Variants in MOB3B observed in about 807,000 individuals in gnomAD.
MOB3B encodes MOB kinase activator 3B.
A neutral mutation model predicts 18.7 loss-of-function variants in MOB3B; 7 were observed. That is an observed-to-expected ratio of 0.37 (90% CI 0.21 to 0.70). MOB3B has a LOEUF of 0.70. Among genes scored for constraint, MOB3B ranks in the 30% least tolerant of loss-of-function variants. The pLI, the probability that MOB3B is intolerant of heterozygous loss-of-function variation, is 0.52. For synonymous variants in MOB3B, 111 were observed against 99.9 expected (o/e 1.11, Z -0.66); for missense variants, 253 against 281.3 (o/e 0.90, Z 0.72).
At chr9:27,499,905 T>C (rs1819962879) in intron 1 of MOB3B, among the ~76,000 whole-genome samples, 1 of 152,162 alleles carries the variant, frequency 6.6e-6, no homozygotes, top group South Asian at 2.1e-4. Context: ...CATTGTGTTA[T>C]GTTGAAATGA....
intron 2 of MOB3B, among the ~76,000 whole-genome samples, chr9:27,366,206 A>T (rs1396623452): frequency 6.6e-6 from 1 of 152,116 alleles, no homozygotes; most frequent in Non-Finnish European, 1.5e-5. Flanking sequence ...TGAGTTTATG[A>T]ATGTGTCTAA....
chr9:27,505,335 C>T (rs994219176), intron 1 of MOB3B, among the ~76,000 whole-genome samples: 1 of 152,104 alleles, frequency 6.6e-6, no homozygotes, highest in Non-Finnish European at 1.5e-5. Context: ...TGTTCCTGCC[C>T]CAAATCAGCT....
chr9:27,426,690 G>A (rs1822339405), intron 2 of MOB3B, among the ~76,000 whole-genome samples: 1 of 152,106 alleles, frequency 6.6e-6, no homozygotes, highest in African/African-American at 2.4e-5. Flanking sequence ...GTCCCCCCCT[G>A]CCCGACTCAG....
At chr9:27,521,807 A>C (rs577745470) in intron 1 of MOB3B, among the ~76,000 whole-genome samples, 1 of 152,348 alleles carries the variant, frequency 6.6e-6, no homozygotes, top group Middle Eastern at 3.4e-3. Flanking sequence ...ACTGAGCCTT[A>C]GGGAGAATCC....
intron 2 of MOB3B, among the ~76,000 whole-genome samples, chr9:27,399,299 G>A (rs1349384275): frequency 6.6e-6 from 1 of 152,168 alleles, no homozygotes. Context: ...ATCTGAAACT[G>A]CAAATAGGCT....
intron 2 of MOB3B, among the ~76,000 whole-genome samples, chr9:27,364,148 C>A (rs994370780): frequency 6.6e-6 from 1 of 152,212 alleles, no homozygotes; most frequent in Non-Finnish European, 1.5e-5. Context: ...AGAAAGGCAA[C>A]TGGATCACCT....
At chr9:27,520,072 T>C (rs1820300368) in intron 1 of MOB3B, among the ~76,000 whole-genome samples, 1 of 152,146 alleles carries the variant, frequency 6.6e-6, no homozygotes, top group African/African-American at 2.4e-5. Flanking sequence ...AATTGAGTAA[T>C]ATGGATGATC....
chr9:27,446,408 T>G (rs1408434154), intron 2 of MOB3B, among the ~76,000 whole-genome samples: 1 of 152,210 alleles, frequency 6.6e-6, no homozygotes, highest in African/African-American at 2.4e-5. Flanking sequence ...GCCTGTGAAA[T>G]GCCTTCTAAA....
rs894362911 is a variant in MOB3B, at chr9:27,516,549, A to G, written c.-199+13006T>C. ...GAGCTTAACTGAGAATAGCTGGATTACAGTGTTATGTTCAAAATTCTGTGG... is the reference window on the plus strand; with the variant it reads ...GAGCTTAACTGAGAATAGCTGGATTGCAGTGTTATGTTCAAAATTCTGTGG... On this transcript the variant is annotated intron_variant, in intron 1 of 3. Coordinates refer to ENST00000262244, the MANE Select transcript of MOB3B (RefSeq NM_024761.5). 5.9e-5 allele frequency among the ~76,000 whole-genome samples: 9 copies of G among 152,246 alleles called. 1 individual carries two copies. Among genetic ancestry groups the G allele is most frequent in the African/African-American group, 2.2e-4 (9 of 41,462 alleles).
intron 1 of MOB3B, among the ~76,000 whole-genome samples, chr9:27,464,357 G>C (rs1819344348): frequency 6.6e-6 from 1 of 152,176 alleles, no homozygotes; most frequent in South Asian, 2.1e-4. Context: ...ATTTGATAAT[G>C]AGTTAACAAT....
intron 3 of MOB3B, among the ~76,000 whole-genome samples, chr9:27,352,500 T>C (rs1389174876): frequency 2.0e-5 from 3 of 152,178 alleles, no homozygotes; most frequent in Non-Finnish European, 2.9e-5. Flanking sequence ...TTGTGCGTCA[T>C]GCACATGGTA....
At position 27,378,302 on chromosome 9, in the gene MOB3B, C is replaced by A. The variant is rs572186409; in HGVS notation, c.419-19066G>T. 4.3e-5 allele frequency: 20 copies of A among 467,512 alleles called. No individual in the cohort carries two copies. The Admixed American group carries it at 4.5e-4, about 10-fold the overall frequency. The allele number at this position is 467,512 out of a possible 1,614,324, so 29.0% of individuals were successfully genotyped here. A position where few individuals can be genotyped will look rare whatever the true frequency, so the allele number is the denominator to read the frequency against. ...ATCTCAGCTGGGGAGGGAATGAGGT[C>A]ATAAGGATGGATGCTGCATCTGGAC... On this transcript the variant is annotated intron_variant, in intron 2 of 3. Transcript: ENST00000262244.
chr9:27,354,512 G>A (rs1305335189), intron 3 of MOB3B, among the ~76,000 whole-genome samples: 1 of 152,168 alleles, frequency 6.6e-6, no homozygotes, highest in Non-Finnish European at 1.5e-5. Flanking sequence ...TGCTTTTAAT[G>A]TCTATTGCTA....
intron 2 of MOB3B, among the ~76,000 whole-genome samples, chr9:27,380,781 C>A (rs1262823261): frequency 1.3e-5 from 2 of 151,796 alleles, no homozygotes; most frequent in Non-Finnish European, 2.9e-5. Flanking sequence ...TGCCCACCAC[C>A]CCCTCATAGT....
chr9:27,427,784 T>C (rs1181390345), intron 2 of MOB3B, among the ~76,000 whole-genome samples: 2 of 152,242 alleles, frequency 1.3e-5, no homozygotes, highest in African/African-American at 4.8e-5. Context: ...TTTCCCATCA[T>C]GCCCTTCAGG....
rs1176095368 is a variant in MOB3B at position 27,522,272 on chromosome 9, G to GA, written c.-199+7282dup. Reference sequence around the variant, plus strand: ...AAAAAAAAAAAAAAAAAAAAGAAAAGAAAGAAAGAAAGAAAAAGAAATACT... The same window carrying GA: ...AAAAAAAAAAAAAAAAAAAAGAAAAGAAAAGAAAGAAAGAAAAAGAAATACT... On this transcript the variant is annotated intron_variant, in intron 1 of 3. Coordinates refer to ENST00000262244, the MANE Select transcript of MOB3B (RefSeq NM_024761.5). Among the ~76,000 whole-genome samples, 7 of 116,022 alleles carry GA rather than the reference G, an allele frequency of 6.0e-5. No individual in the cohort carries two copies. In the East Asian group the frequency reaches 7.8e-4, roughly 13 times the overall value. The allele number at this position is 116,022 out of a possible 152,430, so 76.1% of individuals were successfully genotyped here. A position where few individuals can be genotyped will look rare whatever the true frequency, so the allele number is the denominator to read the frequency against.
chr9:27,330,674 G>C, intron 3 of MOB3B, 58 bp from the exon 4 acceptor site: 1 of 1,610,360 alleles, frequency 6.2e-7, no homozygotes, highest in Non-Finnish European at 8.5e-7. Context: ...CAACGATTTG[G>C]TGAAGGATCC....
At chr9:27,444,823 T>A (rs1822666174) in intron 2 of MOB3B, among the ~76,000 whole-genome samples, 1 of 152,074 alleles carries the variant, frequency 6.6e-6, no homozygotes, top group Admixed American at 6.6e-5. Context: ...TTAGAAAAAA[T>A]ATAATAAAAG....
At chr9:27,448,437 G>A (rs1487894287) in intron 2 of MOB3B, among the ~76,000 whole-genome samples, 1 of 152,156 alleles carries the variant, frequency 6.6e-6, no homozygotes, top group East Asian at 1.9e-4. Context: ...AATCATGGTG[G>A]AAAGCAAAAG....
Sources: allele counts gnomAD v4.1 joint callset (sites outside exome capture counted in the v4.1 genomes callset), GRCh38; gene constraint gnomAD v4.1.1; transcripts MANE v1.5; gene names NCBI Gene and HGNC (gene_info 2026-07-23, HGNC 2026-07-21).